GPR176: variants seen among roughly 807,000 people sequenced by gnomAD.
The protein encoded by GPR176 is G protein-coupled receptor 176.
GPR176 carries 26 observed loss-of-function variants against 35.4 expected under a neutral mutation model. The observed-to-expected ratio is 0.74, with a 90% CI of 0.54 to 1.02. The LOEUF is 1.02. Ranked by LOEUF, GPR176 falls within the 50% of genes least tolerant of loss-of-function variation. The pLI, the probability that GPR176 is intolerant of heterozygous loss-of-function variation, is 0.00. For synonymous variants in GPR176, 278 were observed against 271.3 expected (o/e 1.02, Z -0.24); for missense variants, 597 against 665.3 (o/e 0.90, Z 1.13).
intron 1 of GPR176, 77 bp downstream of exon 1, chr15:39,919,778 G>T: frequency 1.7e-6 from 2 of 1,193,046 alleles, no homozygotes; most frequent in Non-Finnish European, 2.2e-6. Flanking sequence ...CACGGCGGCT[G>T]GGCGGCCCTG....
intron 1 of GPR176, among the ~76,000 whole-genome samples, chr15:39,835,684 C>A (rs1040960105): frequency 6.6e-6 from 1 of 152,160 alleles, no homozygotes; most frequent in Non-Finnish European, 1.5e-5. Flanking sequence ...GTGAGTATCA[C>A]CTGTCTTTAA....
intron 1 of GPR176, among the ~76,000 whole-genome samples, chr15:39,901,043 T>G (rs2033262214): frequency 6.6e-6 from 1 of 152,182 alleles, no homozygotes; most frequent in South Asian, 2.1e-4. Context: ...AATAACAAGA[T>G]GTACCTGAAA....
chr15:39,895,607 C>G (rs1306056315), intron 1 of GPR176, among the ~76,000 whole-genome samples: 1 of 152,138 alleles, frequency 6.6e-6, no homozygotes, highest in Admixed American at 6.5e-5. Context: ...AGGCTAGATA[C>G]TCACACATAA....
intron 1 of GPR176, among the ~76,000 whole-genome samples, chr15:39,827,347 C>T (rs983561015): frequency 3.3e-5 from 5 of 152,148 alleles, no homozygotes; most frequent in Non-Finnish European, 7.3e-5. Context: ...CCTCTCCAGA[C>T]TGGCCAGAGC....
chr15:39,852,132 A>G (rs1022847328), intron 1 of GPR176, among the ~76,000 whole-genome samples: 3 of 152,190 alleles, frequency 2.0e-5, no homozygotes, highest in Admixed American at 1.3e-4. Flanking sequence ...AAAGAAAAAA[A>G]GAATGATGAA....
chr15:39,873,869 CAA>C (rs1298625273), intron 1 of GPR176, among the ~76,000 whole-genome samples: 2 of 152,040 alleles, frequency 1.3e-5, no homozygotes, highest in African/African-American at 2.4e-5. Flanking sequence ...CAGAAAAGTA[CAA>C]AGTCAGATGG....
chr15:39,821,190 T>C (rs1021718140), intron 1 of GPR176, among the ~76,000 whole-genome samples: 3 of 152,178 alleles, frequency 2.0e-5, no homozygotes, highest in African/African-American at 4.8e-5. Context: ...TGGTTCAAAA[T>C]AATGCAATTT....
At chr15:39,868,506 C>G (rs2031916052) in intron 1 of GPR176, among the ~76,000 whole-genome samples, 1 of 152,170 alleles carries the variant, frequency 6.6e-6, no homozygotes, top group East Asian at 1.9e-4. Flanking sequence ...GGCACATCTT[C>G]CCTGGAACTG....
chr15:39,894,282 C>A (rs1483799250), intron 1 of GPR176, among the ~76,000 whole-genome samples: 2 of 119,886 alleles, frequency 1.7e-5, no homozygotes, highest in African/African-American at 5.3e-5. Context: ...ACCTCCCTCC[C>A]GGACGGGGCG....
At position 39,800,969 on chromosome 15, in the gene GPR176, T is replaced by C. The variant is rs1179169129; in HGVS notation, c.*163A>G. The C allele has an allele frequency of 7.8e-6, 5 of 640,928 alleles. No homozygotes were observed. The highest frequency in any genetic ancestry group is 1.4e-5 in the Non-Finnish European group (5 of 367,276). 39.7% of individuals were successfully genotyped at this position (640,928 alleles called of 1,614,324 possible). ...CTCCCTCAATAAAGAGGACACTGGA[T>C]TTTATGTAGATTTCCCTATCATTCA... On this transcript the variant is annotated 3_prime_UTR_variant, in exon 3 of 3. Transcript: ENST00000561100.
At chr15:39,898,784 G>A (rs1348656261) in intron 1 of GPR176, among the ~76,000 whole-genome samples, 1 of 152,092 alleles carries the variant, frequency 6.6e-6, no homozygotes, top group African/African-American at 2.4e-5. Flanking sequence ...GGGCTAAAAT[G>A]GAAGTATAAA....
chr15:39,805,322 G>A (rs1899121990), intron 2 of GPR176, among the ~76,000 whole-genome samples: 2 of 151,930 alleles, frequency 1.3e-5, no homozygotes, highest in South Asian at 4.2e-4. Flanking sequence ...GACATGCAAC[G>A]TCACCATAAA....
chr15:39,817,842 A>G (rs192624977), intron 1 of GPR176, among the ~76,000 whole-genome samples: 1 of 152,250 alleles, frequency 6.6e-6, no homozygotes, highest in Admixed American at 6.5e-5. Context: ...TGGGGAACCA[A>G]CATTAAACAA....
chr15:39,804,867 C>T (rs183899395), intron 2 of GPR176, among the ~76,000 whole-genome samples: 1 of 152,226 alleles, frequency 6.6e-6, no homozygotes, highest in African/African-American at 2.4e-5. Flanking sequence ...ATTCCACCTA[C>T]ATGTAATGTC....
intron 1 of GPR176, among the ~76,000 whole-genome samples, chr15:39,914,474 C>T (rs899879446): frequency 3.3e-5 from 5 of 151,962 alleles, no homozygotes; most frequent in East Asian, 1.9e-4. Flanking sequence ...CCACCATGCC[C>T]GGCTAATTTT....
At chr15:39,910,321 C>T (rs7184013) in intron 1 of GPR176, among the ~76,000 whole-genome samples, 1,902 of 152,312 alleles carry the variant, frequency 0.012, 49 homozygotes, top group African/African-American at 0.041. Context: ...GGCATGGTGG[C>T]TCATGCCTGT....
intron 1 of GPR176, among the ~76,000 whole-genome samples, chr15:39,816,126 G>C (rs1035643817): frequency 6.6e-6 from 1 of 152,178 alleles, no homozygotes; most frequent in Non-Finnish European, 1.5e-5. Flanking sequence ...TGTAGAATGG[G>C]CTGCCAGTAG....
Position 39,919,972 on chromosome 15 carries a change from A to C in GPR176, c.55T>G (p.Ser19Ala). 6.8e-7 allele frequency: 1 copy of C among 1,477,802 alleles called. No homozygotes were observed. The highest frequency in any genetic ancestry group is 9.0e-7 in the Non-Finnish European group (1 of 1,113,964). 91.5% of individuals were successfully genotyped at this position (1,477,802 alleles called of 1,614,324 possible). A position where few individuals can be genotyped will look rare whatever the true frequency, so the allele number is the denominator to read the frequency against. The change falls in exon 1 of 3, where the codon TCC becomes GCC. Residue 19 changes from serine (S) to alanine (A), a missense_variant. By Grantham distance (99) the Ser-to-Ala change is moderately conservative. This residue lies in a region of GPR176 where 126 missense variants were observed against 112.4 expected (regional missense o/e 1.12). Transcript: ENST00000561100. ...SPNASEPHNA[S>A]GAEAAGVNRS... ...TTCACACCCGCAGCCTCGGCGCCGG[A>C]CGCGTTGTGCGGCTCGCTGGCATTT... is the stretch of plus-strand genomic sequence containing the variant.
At chr15:39,915,073 T>G (rs1244059894) in intron 1 of GPR176, among the ~76,000 whole-genome samples, 1 of 152,164 alleles carries the variant, frequency 6.6e-6, no homozygotes, top group African/African-American at 2.4e-5. Context: ...GCAAGTTGGA[T>G]CTTTACTTGG....
Sources: gnomAD v4.1 joint callset for allele counts (sites outside exome capture counted in the v4.1 genomes callset) on GRCh38, gnomAD v4.1.1 for gene constraint, gnomAD v4.1.1 regional missense constraint, MANE v1.5 for transcripts, NCBI Gene and HGNC (gene_info 2026-07-23, HGNC 2026-07-21) for gene names.